Variants in OIT3 observed in about 807,000 individuals in gnomAD.
OIT3 encodes oncoprotein induced transcript 3.
Under a neutral mutation model 52.2 loss-of-function variants are expected in OIT3, and 41 were observed. That is an observed-to-expected ratio of 0.79 (90% confidence interval 0.61 to 1.02). The LOEUF (loss-of-function observed/expected upper bound fraction) is 1.02, where lower values mean the gene tolerates loss of function less well. Among genes scored for constraint, OIT3 ranks in the 50% least tolerant of loss-of-function variants. The pLI, the probability that OIT3 is intolerant of heterozygous loss-of-function variation, is 0.00. For synonymous variants in OIT3, 244 were observed against 276.9 expected (o/e 0.88, Z 1.18); for missense variants, 634 against 715.5 (o/e 0.89, Z 1.30).
At chr10:72,915,954 T>C (rs188933319) in intron 6 of OIT3, among the ~76,000 whole-genome samples, 1 of 152,036 alleles carries the variant, frequency 6.6e-6, no homozygotes, top group Admixed American at 6.6e-5. Flanking sequence ...CCATGAATAA[T>C]GGGCATCAAC....
chr10:72,929,488 G>A (rs1846196619), intron 7 of OIT3, among the ~76,000 whole-genome samples: 2 of 151,906 alleles, frequency 1.3e-5, no homozygotes, highest in African/African-American at 4.8e-5. Context: ...GCTCACTGCA[G>A]CCTCTGCCTC....
chr10:72,916,665 A>C (rs878868877), intron 6 of OIT3, among the ~76,000 whole-genome samples: 2 of 152,178 alleles, frequency 1.3e-5, no homozygotes, highest in African/African-American at 4.8e-5. Context: ...TTATAATAGG[A>C]TGATTTATAA....
At chr10:72,922,161 CAG>C (rs1846127439) in intron 6 of OIT3, among the ~76,000 whole-genome samples, 1 of 152,140 alleles carries the variant, frequency 6.6e-6, no homozygotes, top group Non-Finnish European at 1.5e-5. Flanking sequence ...TTTTGTGTCT[CAG>C]GGATGATTTT....
intron 4 of OIT3, among the ~76,000 whole-genome samples, chr10:72,908,105 T>C (rs1845995973): frequency 6.6e-6 from 1 of 152,020 alleles, no homozygotes; most frequent in Non-Finnish European, 1.5e-5. Context: ...TAGCTGGGCG[T>C]GGTGGCGGGC....
intron 6 of OIT3, among the ~76,000 whole-genome samples, chr10:72,916,986 G>A (rs770957399): frequency 6.6e-6 from 1 of 151,972 alleles, no homozygotes; most frequent in Admixed American, 6.6e-5. Flanking sequence ...CTTTTGAGAC[G>A]TGTCTGCTCA....
intron 3 of OIT3, among the ~76,000 whole-genome samples, chr10:72,904,103 G>A (rs996220993): frequency 6.6e-6 from 1 of 152,154 alleles, no homozygotes; most frequent in African/African-American, 2.4e-5. Context: ...AAAGCACTGT[G>A]AAAATCCCTG....
rs182649282 is a variant in OIT3 at position 72,927,362 on chromosome 10, A to G, written c.1367+2718A>G. Among the ~76,000 whole-genome samples, 44 of 151,454 alleles carry G rather than the reference A, an allele frequency of 2.9e-4. 1 individual carries two copies. The East Asian group carries it at 8.0e-3, about 28-fold the overall frequency. On this transcript the variant is annotated intron_variant, in intron 7 of 8. Transcript: ENST00000334011. ...GCCGTGTTGGCCAGGCTGATCTTGAACTCCTGACCTCAGGTGATCCACCTG... is the reference window on the plus strand; with the variant it reads ...GCCGTGTTGGCCAGGCTGATCTTGAGCTCCTGACCTCAGGTGATCCACCTG...
At chr10:72,904,657 T>A (rs1010354456) in intron 3 of OIT3, among the ~76,000 whole-genome samples, 17 of 152,246 alleles carry the variant, frequency 1.1e-4, no homozygotes, top group Non-Finnish European at 4.4e-5. Context: ...CTTTAAATAC[T>A]TGTATTATGG....
rs577526648 is a variant in OIT3, at chr10:72,932,557, C to T, written c.*33C>T. 54 of 1,540,366 alleles carry T rather than the reference C, an allele frequency of 3.5e-5. No homozygotes were observed. Among genetic ancestry groups the T allele is most frequent in the African/African-American group, 2.1e-4 (15 of 72,860 alleles). ...CCATACCTCGAGTCCCTGCATTGGA[C>T]GGCTCTGCTCTTTGGAGCTTCTCCC... On this transcript the variant is annotated 3_prime_UTR_variant, in exon 9 of 9. Transcript: ENST00000334011.
At chr10:72,907,955 C>T (rs1845994761) in intron 4 of OIT3, among the ~76,000 whole-genome samples, 2 of 152,122 alleles carry the variant, frequency 1.3e-5, no homozygotes, top group African/African-American at 4.8e-5. Context: ...AAAATTCCAT[C>T]ACTTCGGCCA....
At chr10:72,895,525 A>C (rs1845868082) in intron 1 of OIT3, among the ~76,000 whole-genome samples, 1 of 152,140 alleles carries the variant, frequency 6.6e-6, no homozygotes, top group African/African-American at 2.4e-5. Flanking sequence ...AAGGGATGAG[A>C]AAGGGGGAAG....
chr10:72,920,057 G>A (rs539655488), intron 6 of OIT3, among the ~76,000 whole-genome samples: 1 of 152,272 alleles, frequency 6.6e-6, no homozygotes, highest in African/African-American at 2.4e-5. Flanking sequence ...GTAGAATTCA[G>A]CTGTGAATCT....
intron 8 of OIT3, among the ~76,000 whole-genome samples, chr10:72,930,962 G>A (rs1846211999): frequency 1.3e-5 from 2 of 152,102 alleles, no homozygotes; most frequent in African/African-American, 4.8e-5. Flanking sequence ...TTGGTCAAAT[G>A]GCAAGGGATA....
chr10:72,928,887 A>G (rs1846190689), intron 7 of OIT3, among the ~76,000 whole-genome samples: 1 of 152,164 alleles, frequency 6.6e-6, no homozygotes, highest in Admixed American at 6.6e-5. Context: ...TAGGTGCACC[A>G]AAACAGCAGT....
rs1846226145 is a variant in OIT3 at position 72,932,493 on chromosome 10, G to A, written c.1607G>A (p.Gly536Asp). The stretch of plus-strand genomic sequence containing the variant: ...GGTCTACAGGGCCAGACGCTAACAG[G>A]CGGCCCGATCCGCATCGACTGGGAG... ...SAGLQGQTLTGGPIRIDWED is the reference protein window; with the variant it reads ...SAGLQGQTLTDGPIRIDWED The change falls in exon 9 of 9, where the codon GGC becomes GAC. Residue 536 changes from glycine to aspartate, a missense_variant. By Grantham distance (94) the Gly-to-Asp change is moderately conservative (BLOSUM62 -1). Transcript: ENST00000334011. The A allele has an allele frequency of 6.2e-7, 1 of 1,612,294 alleles. No homozygotes were observed. The highest frequency in any genetic ancestry group is 1.1e-5 in the South Asian group (1 of 90,812).
At chr10:72,917,985 T>G in intron 6 of OIT3, 1 of 809,976 alleles carries the variant, frequency 1.2e-6, no homozygotes. Context: ...ATCTTCATCA[T>G]TATCATCATT....
At chr10:72,929,980 A>T (rs1846202093) in intron 7 of OIT3, among the ~76,000 whole-genome samples, 1 of 152,206 alleles carries the variant, frequency 6.6e-6, no homozygotes, top group African/African-American at 2.4e-5. Flanking sequence ...AAATTAAAAC[A>T]ATTTGGAGGT....
In OIT3 at chr10:72,915,277, G is replaced by A. The variant is rs1846063390; in HGVS notation, c.951+1809G>A. Among the ~76,000 whole-genome samples the A allele has an allele frequency of 2.0e-5, 3 of 152,196 alleles. No individual in the cohort carries two copies. In the South Asian group the frequency reaches 6.2e-4, roughly 31 times the overall value. On this transcript the variant is annotated intron_variant, in intron 6 of 8. Coordinates refer to ENST00000334011, the MANE Select transcript of OIT3 (RefSeq NM_152635.3). ...CCATGTATAATAATGGGCTAATTAG[G>A]AGGTAGAAAGAAGTTCTAAATGAGA...
chr10:72,904,857 C>G (rs1339328198), intron 3 of OIT3, among the ~76,000 whole-genome samples: 1 of 152,052 alleles, frequency 6.6e-6, no homozygotes, highest in Non-Finnish European at 1.5e-5. Flanking sequence ...ATACCTGAGG[C>G]TGGGTAATTT....
Sources: allele counts gnomAD v4.1 joint callset (sites outside exome capture counted in the v4.1 genomes callset), GRCh38; gene constraint gnomAD v4.1.1; transcripts MANE v1.5; gene names NCBI Gene and HGNC (gene_info 2026-07-23, HGNC 2026-07-21).